ADAMTSL1: variants seen among roughly 807,000 people sequenced by gnomAD.
ADAMTSL1 encodes ADAMTS-like protein 1.
ADAMTSL1 carries 126 observed loss-of-function variants against 201.8 expected under a neutral mutation model. The observed-to-expected ratio is 0.62, with a 90% CI of 0.54 to 0.72. ADAMTSL1 has a LOEUF of 0.72. Among genes scored for constraint, ADAMTSL1 ranks in the 30% least tolerant of loss-of-function variants. ADAMTSL1 has a pLI of 0.00. For synonymous variants in ADAMTSL1, 1,121 were observed against 903.4 expected, an observed-to-expected ratio of 1.24 and a Z score of -4.32; for missense variants, 2,679 against 2,277.8, an observed-to-expected ratio of 1.18 and a Z score of -3.59.
At chr9:18,696,179 A>C (rs779384548) in intron 13 of ADAMTSL1, among the ~76,000 whole-genome samples, 2 of 152,232 alleles carry the variant, frequency 1.3e-5, no homozygotes, top group Non-Finnish European at 2.9e-5. Context: ...GGACAGGGAC[A>C]CAAATCCAAA....
At chr9:18,863,608 G>C (rs1358949701) in intron 23 of ADAMTSL1, among the ~76,000 whole-genome samples, 3 of 152,134 alleles carry the variant, frequency 2.0e-5, no homozygotes, top group Non-Finnish European at 4.4e-5. Context: ...CAAATGGAGG[G>C]AGTAACTGAG....
At chr9:18,172,153 G>C (rs1026765592) in intron 2 of ADAMTSL1, among the ~76,000 whole-genome samples, 18 of 151,854 alleles carry the variant, frequency 1.2e-4, no homozygotes, top group Non-Finnish European at 1.5e-5. Flanking sequence ...GGGAGGGATA[G>C]CATTAGGAGA....
chr9:18,263,086 A>T (rs1027881030), intron 2 of ADAMTSL1, among the ~76,000 whole-genome samples: 1 of 152,192 alleles, frequency 6.6e-6, no homozygotes, highest in Admixed American at 6.5e-5. Flanking sequence ...GGATCTTAGA[A>T]GGCATATGTT....
In ADAMTSL1 at chr9:18,082,614, C is replaced by T. The variant is rs180993456; in HGVS notation, c.88-81248C>T. Among the ~76,000 whole-genome samples the T allele has an allele frequency of 3.6e-3, 545 of 152,328 alleles. 3 individuals carry two copies. The highest frequency in any genetic ancestry group is 0.013 in the African/African-American group (523 of 41,588). On this transcript the variant is annotated intron_variant, in intron 1 of 29. Coordinates refer to the ADAMTSL1 transcript ENST00000680146. ...TGCCTCCTCTTCAAGCCTCCCCAGA[C>T]CAGATGGCTCCAGCGCTGTCCATGA...
At chr9:18,442,447 A>C (rs1820032266) in intron 2 of ADAMTSL1, among the ~76,000 whole-genome samples, 1 of 152,116 alleles carries the variant, frequency 6.6e-6, no homozygotes, top group Non-Finnish European at 1.5e-5. Flanking sequence ...TTTCAAAGGG[A>C]GTTATTAAAA....
chr9:18,090,372 T>A (rs1823956348), intron 1 of ADAMTSL1, among the ~76,000 whole-genome samples: 1 of 152,102 alleles, frequency 6.6e-6, no homozygotes, highest in African/African-American at 2.4e-5. Flanking sequence ...GACCAATGAA[T>A]AAACAAAATA....
At chr9:18,289,774 T>A (rs1310886922) in intron 2 of ADAMTSL1, among the ~76,000 whole-genome samples, 1 of 152,256 alleles carries the variant, frequency 6.6e-6, no homozygotes, top group Non-Finnish European at 1.5e-5. Flanking sequence ...ACACCAGCTC[T>A]ATTTTTTAAT....
At chr9:18,512,268 G>C (rs1428248326) in intron 2 of ADAMTSL1, among the ~76,000 whole-genome samples, 1 of 151,846 alleles carries the variant, frequency 6.6e-6, no homozygotes, top group Non-Finnish European at 1.5e-5. Context: ...TCTCCTTTCC[G>C]GAGGCAAATG....
intron 1 of ADAMTSL1, among the ~76,000 whole-genome samples, chr9:18,482,557 T>G (rs1393213020): frequency 6.6e-6 from 1 of 152,196 alleles, no homozygotes; most frequent in Non-Finnish European, 1.5e-5. Flanking sequence ...CATCCTGACA[T>G]AAATTCCAAG....
chr9:18,037,869 A>G (rs1821267229), intron 1 of ADAMTSL1, among the ~76,000 whole-genome samples: 1 of 152,222 alleles, frequency 6.6e-6, no homozygotes, highest in South Asian at 2.1e-4. Flanking sequence ...ATGGTGCGCA[A>G]TTAAAATAGG....
intron 8 of ADAMTSL1, among the ~76,000 whole-genome samples, chr9:18,660,654 A>G (rs567362634): frequency 2.0e-5 from 3 of 152,236 alleles, no homozygotes; most frequent in Non-Finnish European, 2.9e-5. Context: ...TTTAGAGTAC[A>G]GTGTAATTGA....
chr9:17,946,331 G>A (rs190568795), intron 1 of ADAMTSL1, among the ~76,000 whole-genome samples: 342 of 151,932 alleles, frequency 2.3e-3, no homozygotes, highest in African/African-American at 7.8e-3. Flanking sequence ...AACATATTTC[G>A]TCAATTGGTA....
intron 2 of ADAMTSL1, among the ~76,000 whole-genome samples, chr9:18,336,856 G>A (rs1835262075): frequency 1.3e-5 from 2 of 152,098 alleles, no homozygotes; most frequent in Non-Finnish European, 2.9e-5. Context: ...GGGACCATGT[G>A]GGAGCAAAGA....
chr9:18,413,197 G>A (rs1818525271), intron 2 of ADAMTSL1, among the ~76,000 whole-genome samples: 1 of 142,490 alleles, frequency 7.0e-6, no homozygotes, highest in Non-Finnish European at 1.5e-5. Context: ...TGCCCAGTCT[G>A]AAGTGCAGTG....
chr9:18,673,406 TTC>T (rs1829946380), intron 9 of ADAMTSL1, among the ~76,000 whole-genome samples: 2 of 152,214 alleles, frequency 1.3e-5, no homozygotes, highest in Admixed American at 1.3e-4. Context: ...TTTGATAGCT[TTC>T]TGTTTTCACA....
intron 1 of ADAMTSL1, among the ~76,000 whole-genome samples, chr9:18,038,413 C>T (rs1388727148): frequency 6.6e-6 from 1 of 152,100 alleles, no homozygotes; most frequent in East Asian, 1.9e-4. Context: ...CAAGAAGGCC[C>T]TAACCTCCTT....
intron 1 of ADAMTSL1, among the ~76,000 whole-genome samples, chr9:17,983,294 C>G (rs992703546): frequency 2.6e-5 from 4 of 152,110 alleles, no homozygotes; most frequent in African/African-American, 9.6e-5. Context: ...TGGTCTCGAT[C>G]TGTTGACTTT....
intron 17 of ADAMTSL1, among the ~76,000 whole-genome samples, 198 bp downstream of exon 17, chr9:18,770,979 C>A (rs1820658461): frequency 6.6e-6 from 1 of 152,216 alleles, no homozygotes; most frequent in South Asian, 2.1e-4. Context: ...GCAGCCAGCC[C>A]TTACCCAACA....
At position 18,282,047 on chromosome 9, in the gene ADAMTSL1, G is replaced by T. The variant is rs146772795; in HGVS notation, c.207+118066G>T. Among the ~76,000 whole-genome samples the T allele has an allele frequency of 4.9e-3, 747 of 152,164 alleles. 8 individuals carry two copies. Among genetic ancestry groups the T allele is most frequent in the African/African-American group, 0.017 (718 of 41,488 alleles). Reference sequence around the variant, plus strand: ...CATACTGGTGGGGATTGGGCTTCTAGTGTACCCATTACACAAATAGTGGAC... The same window carrying T: ...CATACTGGTGGGGATTGGGCTTCTATTGTACCCATTACACAAATAGTGGAC... On this transcript the variant is annotated intron_variant, in intron 2 of 29. Transcript: ENST00000680146.
Sources: allele counts gnomAD v4.1 joint callset (sites outside exome capture counted in the v4.1 genomes callset), GRCh38; gene constraint gnomAD v4.1.1; transcripts MANE v1.5; gene names NCBI Gene and HGNC (gene_info 2026-07-23, HGNC 2026-07-21).